Variants in CAB39L observed in about 807,000 individuals in gnomAD.
CAB39L encodes the protein calcium-binding protein 39-like.
Under a neutral mutation model 39.1 loss-of-function variants are expected in CAB39L, and 23 were observed. That is an observed-to-expected ratio of 0.59 (90% CI 0.42 to 0.83). The LOEUF is 0.83. CAB39L is among the 40% of genes least tolerant of loss of function. CAB39L has a pLI of 0.00. For synonymous variants in CAB39L, 126 were observed against 137.2 expected (o/e 0.92, Z 0.57); for missense variants, 366 against 391.9 (o/e 0.93, Z 0.56).
intron 6 of CAB39L, among the ~76,000 whole-genome samples, chr13:49,353,758 T>A (rs886758758): frequency 2.0e-5 from 3 of 152,166 alleles, no homozygotes; most frequent in Middle Eastern, 3.2e-3. Flanking sequence ...TTCATTACAA[T>A]CAATTTAATT....
intron 5 of CAB39L, among the ~76,000 whole-genome samples, chr13:49,370,610 G>C (rs1955893993): frequency 6.6e-6 from 1 of 152,174 alleles, no homozygotes; most frequent in Admixed American, 6.5e-5. Context: ...GTAACCATGT[G>C]AGTGGAGAAG....
intron 10 of CAB39L, among the ~76,000 whole-genome samples, chr13:49,316,530 C>T (rs1954164118): frequency 6.6e-6 from 1 of 152,166 alleles, no homozygotes; most frequent in South Asian, 2.1e-4. Flanking sequence ...AAAAAAACTA[C>T]ATACCAGTAT....
At chr13:49,368,800 A>G (rs1052418262) in intron 5 of CAB39L, among the ~76,000 whole-genome samples, 2 of 152,192 alleles carry the variant, frequency 1.3e-5, no homozygotes, top group African/African-American at 4.8e-5. Flanking sequence ...AAGAAAAGAG[A>G]AAAGGAGGGA....
intron 3 of CAB39L, among the ~76,000 whole-genome samples, chr13:49,391,325 A>G (rs1446651354): frequency 6.6e-6 from 1 of 152,220 alleles, no homozygotes; most frequent in Non-Finnish European, 1.5e-5. Flanking sequence ...TAGGGGGAAG[A>G]GAAAGGAAGA....
At chr13:49,318,109 A>AAAAAAC (rs1425283999) in intron 10 of CAB39L, among the ~76,000 whole-genome samples, 1 of 152,074 alleles carries the variant, frequency 6.6e-6, no homozygotes, top group Non-Finnish European at 1.5e-5. Flanking sequence ...AAACAAAACA[A>AAAAAAC]AAAAACAAAA....
chr13:49,392,366 C>T (rs967844223), intron 3 of CAB39L, among the ~76,000 whole-genome samples: 17 of 140,780 alleles, frequency 1.2e-4, no homozygotes, highest in African/African-American at 5.2e-4. Flanking sequence ...GAGGAACAGG[C>T]GGTGGTTCAC....
intron 3 of CAB39L, among the ~76,000 whole-genome samples, 190 bp downstream of exon 3, chr13:49,433,128 G>C (rs953326093): frequency 6.6e-6 from 1 of 152,148 alleles, no homozygotes; most frequent in Non-Finnish European, 1.5e-5. Context: ...ATGTTTGGTG[G>C]AGGGAGGAAT....
intron 3 of CAB39L, among the ~76,000 whole-genome samples, chr13:49,421,857 G>A (rs1957176395): frequency 6.6e-6 from 1 of 152,108 alleles, no homozygotes; most frequent in African/African-American, 2.4e-5. Flanking sequence ...GTGTTGGAGG[G>A]TGCCTGCTAA....
intron 5 of CAB39L, among the ~76,000 whole-genome samples, chr13:49,360,650 C>T (rs1955605975): frequency 6.6e-6 from 1 of 152,126 alleles, no homozygotes; most frequent in Non-Finnish European, 1.5e-5. Flanking sequence ...GATCTCATTA[C>T]GAATTGTAAT....
intron 5 of CAB39L, among the ~76,000 whole-genome samples, chr13:49,372,748 G>A (rs1468816358): frequency 6.6e-6 from 1 of 152,144 alleles, no homozygotes; most frequent in Non-Finnish European, 1.5e-5. Context: ...TCGGCTCACT[G>A]CAAGCTCCGC....
rs144789833 is a variant in CAB39L at position 49,376,581 on chromosome 13, C to T, written c.276+386G>A. On this transcript the variant is annotated intron_variant, in intron 5 of 10. Coordinates refer to ENST00000409308, the MANE Select transcript of CAB39L (RefSeq NM_001079670.3). ...TAAGTGAGTGACTTTGGGCAAATTACTTAATATCTTTGAACTTTAGGTTCT... is the reference window on the plus strand; with the variant it reads ...TAAGTGAGTGACTTTGGGCAAATTATTTAATATCTTTGAACTTTAGGTTCT... Among the ~76,000 whole-genome samples, 454 of 152,314 alleles carry T rather than the reference C, an allele frequency of 3.0e-3. 6 individuals are homozygous for T. Among genetic ancestry groups the T allele is most frequent in the African/African-American group, 0.01 (416 of 41,572 alleles).
chr13:49,388,644 A>C (rs1003927888), intron 3 of CAB39L, among the ~76,000 whole-genome samples: 23 of 152,316 alleles, frequency 1.5e-4, no homozygotes, highest in Non-Finnish European at 2.8e-4. Context: ...CAACAAAATT[A>C]ATGCTAAAAA....
At chr13:49,317,959 C>A (rs946287874) in intron 10 of CAB39L, among the ~76,000 whole-genome samples, 1 of 152,076 alleles carries the variant, frequency 6.6e-6, no homozygotes, top group Non-Finnish European at 1.5e-5. Context: ...AGAACTTGAA[C>A]AGACATTTCT....
intron 3 of CAB39L, among the ~76,000 whole-genome samples, chr13:49,386,063 G>A (rs1227181192): frequency 2.0e-5 from 3 of 152,094 alleles, no homozygotes; most frequent in Non-Finnish European, 2.9e-5. Context: ...CGGTATGCCT[G>A]TAATTGCTGT....
chr13:49,430,490 G>A (rs913038336), intron 3 of CAB39L, among the ~76,000 whole-genome samples: 3 of 152,266 alleles, frequency 2.0e-5, no homozygotes, highest in Admixed American at 6.5e-5. Context: ...AGCCACTGGC[G>A]TATAGGGCAG....
chr13:49,366,658 C>T (rs1207258342), intron 5 of CAB39L, among the ~76,000 whole-genome samples: 2 of 147,820 alleles, frequency 1.4e-5, no homozygotes, highest in Non-Finnish European at 3.0e-5. Context: ...AACCCATGCT[C>T]TCCAAACACC....
intron 4 of CAB39L, among the ~76,000 whole-genome samples, chr13:49,380,793 CATT>C (rs1325214789): frequency 3.3e-5 from 5 of 152,114 alleles, no homozygotes; most frequent in African/African-American, 4.8e-5. Context: ...ATATTGTAAT[CATT>C]ATAAATGAAG....
intron 1 of CAB39L, among the ~76,000 whole-genome samples, chr13:49,436,862 T>A (rs1957426726): frequency 6.6e-6 from 1 of 152,206 alleles, no homozygotes; most frequent in South Asian, 2.1e-4. Flanking sequence ...AGGAGTACTG[T>A]GCTGTAGTTT....
chr13:49,370,324 A>T (rs1202792741), intron 5 of CAB39L, among the ~76,000 whole-genome samples: 1 of 152,184 alleles, frequency 6.6e-6, no homozygotes, highest in Admixed American at 6.5e-5. Context: ...ATGGGAGATT[A>T]TCTCCCCCAC....
Sources: allele counts gnomAD v4.1 joint callset (sites outside exome capture counted in the v4.1 genomes callset), GRCh38; gene constraint gnomAD v4.1.1; transcripts MANE v1.5; gene names NCBI Gene and HGNC (gene_info 2026-07-23, HGNC 2026-07-21).